The following TRPC3 variants were observed in gnomAD, a reference collection of about 807,000 sequenced individuals.
The protein encoded by TRPC3 is transient receptor potential cation channel subfamily C member 3.
In TRPC3, 54 loss-of-function variants were observed where a neutral mutation model predicts 90.9. The observed-to-expected ratio is 0.59, with a 90% CI of 0.48 to 0.75. The LOEUF (loss-of-function observed/expected upper bound fraction) is 0.75. Ranked by LOEUF, TRPC3 falls within the 30% of genes least tolerant of loss-of-function variation. The pLI is 0.00. For synonymous variants in TRPC3, 424 were observed against 450.9 expected, an observed-to-expected ratio of 0.94 and a Z score of 0.75; for missense variants, 918 against 1,194.5, an observed-to-expected ratio of 0.77 and a Z score of 3.41.
At chr4:121,933,976 G>A (rs906151799) in intron 1 of TRPC3, among the ~76,000 whole-genome samples, 2 of 152,176 alleles carry the variant, frequency 1.3e-5, no homozygotes, top group East Asian at 1.9e-4. Flanking sequence ...GAACTGAAAC[G>A]ACAAGGTTTG....
chr4:121,927,138 C>A (rs1047446457), intron 2 of TRPC3, among the ~76,000 whole-genome samples: 5 of 152,160 alleles, frequency 3.3e-5, no homozygotes, highest in African/African-American at 1.2e-4. Flanking sequence ...TCAAGGGTTA[C>A]AGAATTCAGT....
intron 4 of TRPC3, among the ~76,000 whole-genome samples, chr4:121,912,904 C>G (rs1030376039): frequency 5.3e-5 from 8 of 152,204 alleles, no homozygotes; most frequent in African/African-American, 1.9e-4. Context: ...CCCCCACAGT[C>G]CAAGAATTAG....
chr4:121,881,519 C>T (rs558155004), intron 11 of TRPC3, among the ~76,000 whole-genome samples: 2 of 152,208 alleles, frequency 1.3e-5, no homozygotes, highest in East Asian at 3.9e-4. Flanking sequence ...TGCTAGTTAT[C>T]GATTATAAAT....
chr4:121,904,553 A>G lies in TRPC3; in HGVS notation c.2058-36T>C. ...AATAAGATACAAAGTAAGTAAGTTAACAGTTTTCAATATCTAAGAGTGAAA... is the reference window on the plus strand; with the variant it reads ...AATAAGATACAAAGTAAGTAAGTTAGCAGTTTTCAATATCTAAGAGTGAAA... On this transcript the variant is annotated intron_variant, in intron 7 of 11. Coordinates refer to ENST00000379645, the MANE Select transcript of TRPC3 (RefSeq NM_001130698.2). 3 of 1,467,290 alleles carry G rather than the reference A, an allele frequency of 2.0e-6. No homozygotes were observed. The South Asian group carries it at 4.3e-5, about 21-fold the overall frequency. The allele number at this position is 1,467,290 out of a possible 1,614,324, so 90.9% of individuals were successfully genotyped here.
At chr4:121,942,959 T>A (rs1418081847) in intron 1 of TRPC3, among the ~76,000 whole-genome samples, 1 of 152,238 alleles carries the variant, frequency 6.6e-6, no homozygotes, top group Non-Finnish European at 1.5e-5. Context: ...GGAACTGTGT[T>A]CTGTGTATAA....
At chr4:121,950,046 G>C (rs988503736) in intron 1 of TRPC3, among the ~76,000 whole-genome samples, 1 of 152,222 alleles carries the variant, frequency 6.6e-6, no homozygotes, top group African/African-American at 2.4e-5. Flanking sequence ...AAACCTTAGG[G>C]AGACGGGGAA....
At chr4:121,903,973 A>C (rs1038749357) in intron 8 of TRPC3, among the ~76,000 whole-genome samples, 4 of 152,304 alleles carry the variant, frequency 2.6e-5, no homozygotes, top group Middle Eastern at 6.8e-3. Context: ...TGTTTGCCAA[A>C]CATCTGGTCA....
intron 10 of TRPC3, among the ~76,000 whole-genome samples, chr4:121,896,095 T>C (rs1021957127): frequency 6.6e-6 from 1 of 152,158 alleles, no homozygotes; most frequent in Non-Finnish European, 1.5e-5. Flanking sequence ...CAACAGATGA[T>C]AAAAGCTTTT....
intron 3 of TRPC3, among the ~76,000 whole-genome samples, chr4:121,918,941 A>C (rs1729411063): frequency 6.6e-6 from 1 of 152,228 alleles, no homozygotes; most frequent in Non-Finnish European, 1.5e-5. Context: ...TTACCTCCTG[A>C]AAAATCTCCT....
chr4:121,926,359 C>T (rs572089744), intron 2 of TRPC3, among the ~76,000 whole-genome samples: 62 of 152,106 alleles, frequency 4.1e-4, no homozygotes, highest in African/African-American at 1.4e-3. Context: ...ACTTGTATTT[C>T]CACTGCAATG....
In TRPC3 at chr4:121,911,894, A is replaced by G; in HGVS notation, c.1541T>C (p.Ile514Thr). 1.2e-6 allele frequency: 2 copies of G among 1,613,374 alleles called. No homozygotes were observed. Among genetic ancestry groups the G allele is most frequent in the Non-Finnish European group, 8.5e-7 (1 of 1,179,542 alleles). ...AGACTTACCAAGAACCCAGACCATAATTAGCATTTCAGTCCATGTAAACTG... is the reference window on the plus strand; with the variant it reads ...AGACTTACCAAGAACCCAGACCATAGTTAGCATTTCAGTCCATGTAAACTG... ...TTQFTWTEMLIMVWVLGMMWS... is the reference protein window; with the variant it reads ...TTQFTWTEMLTMVWVLGMMWS... Residue 514 changes from isoleucine to threonine, a missense_variant, in exon 5 of 12, where the codon ATT (isoleucine) becomes ACT (threonine). Around this residue, in one of 4 missense-constraint regions of TRPC3, gnomAD observed 609 missense variants for 725.9 expected, o/e 0.84. Coordinates refer to ENST00000379645, the MANE Select transcript of TRPC3 (RefSeq NM_001130698.2).
intron 2 of TRPC3, among the ~76,000 whole-genome samples, chr4:121,926,744 G>C (rs567631175): frequency 1.3e-5 from 2 of 152,236 alleles, no homozygotes; most frequent in South Asian, 4.1e-4. Context: ...CTGTTATTTA[G>C]GTTGACAGTG....
At position 121,951,539 on chromosome 4, in the gene TRPC3, C is replaced by T; in HGVS notation, c.142G>A (p.Glu48Lys). 1 of 1,417,204 alleles carries T rather than the reference C, an allele frequency of 7.1e-7. No individual in the cohort carries two copies. Among genetic ancestry groups the T allele is most frequent in the Non-Finnish European group, 9.2e-7 (1 of 1,083,402 alleles). The allele number at this position is 1,417,204 out of a possible 1,614,324, so 87.8% of individuals were successfully genotyped here. Reference sequence around the variant, plus strand: ...CGCTGCGAGGGCGCCGAGCGCGGCTCCAGCCCCCCGTTGACGCCCCTCCAG... The same window carrying T: ...CGCTGCGAGGGCGCCGAGCGCGGCTTCAGCCCCCCGTTGACGCCCCTCCAG... ...RGWRGVNGGLEPRSAPSQREP... is the reference protein window; with the variant it reads ...RGWRGVNGGLKPRSAPSQREP... Residue 48 changes from glutamate to lysine, a missense_variant, in exon 1 of 12, where the codon GAG becomes AAG. Glu to Lys is a moderately conservative substitution (Grantham distance 56). This residue lies in a region of TRPC3 where 609 missense variants were observed against 725.9 expected (regional missense o/e 0.84). Coordinates refer to ENST00000379645, the MANE Select transcript of TRPC3 (RefSeq NM_001130698.2). This position sits in a 1 kb window ranked among gnomAD's most constrained non-coding sequence, Gnocchi z 4.4.
intron 10 of TRPC3, among the ~76,000 whole-genome samples, chr4:121,897,791 C>T (rs1359743747): frequency 6.6e-6 from 1 of 152,066 alleles, no homozygotes; most frequent in Non-Finnish European, 1.5e-5. Flanking sequence ...ATCCAGCAAC[C>T]CCACTACGGG....
Position 121,896,570 on chromosome 4 carries a change from A to T in TRPC3, c.2547+3042T>A, listed in dbSNP as rs77890355. Among the ~76,000 whole-genome samples the T allele has an allele frequency of 1.4e-3, 206 of 152,184 alleles. 2 individuals carry two copies. Among genetic ancestry groups the T allele is most frequent in the African/African-American group, 4.0e-3 (165 of 41,574 alleles). On this transcript the variant is annotated intron_variant, in intron 10 of 11. Transcript: ENST00000379645. The stretch of plus-strand genomic sequence containing the variant: ...AAAGGCAATGCCATTTACAATACTC[A>T]GGTATAAATTAACCAAGGAGATGAA...
At chr4:121,893,325 G>A (rs1227860845) in intron 10 of TRPC3, among the ~76,000 whole-genome samples, 2 of 152,074 alleles carry the variant, frequency 1.3e-5, no homozygotes, top group Non-Finnish European at 1.5e-5. Flanking sequence ...AGCATGAATA[G>A]ATCAGTGGAA....
chr4:121,932,708 T>C lies in TRPC3; in HGVS notation c.550A>G (p.Ser184Gly). ...TCTACGATGCGCACGTAGCCCTTGCTGATGGCGAGCAGCAGGGCGTCGCCA... is the reference window on the plus strand; with the variant it reads ...TCTACGATGCGCACGTAGCCCTTGCCGATGGCGAGCAGCAGGGCGTCGCCA... Reference protein sequence around the residue: ...RIGDALLLAISKGYVRIVEAI... With the variant: ...RIGDALLLAIGKGYVRIVEAI... Residue 184 changes from serine to glycine, a missense_variant, in exon 2 of 12, where the codon AGC (serine) becomes GGC (glycine). Physicochemically the swap from Ser to Gly is moderately conservative, Grantham distance 56. Transcript: ENST00000379645. This position sits in a 1 kb window ranked among gnomAD's most constrained non-coding sequence, Gnocchi z 7.7. 6.2e-7 allele frequency: 1 copy of C among 1,613,856 alleles called. No individual in the cohort carries two copies. Among genetic ancestry groups the C allele is most frequent in the South Asian group, 1.1e-5 (1 of 91,074 alleles).
intron 6 of TRPC3, 80 bp from the exon 7 acceptor site, chr4:121,907,647 A>AT (rs1252086573): frequency 6.9e-7 from 1 of 1,455,442 alleles, no homozygotes; most frequent in Non-Finnish European, 9.3e-7. Context: ...CTTAAATAGG[A>AT]TCTATCTTGT....
At chr4:121,914,758 A>T (rs755491162) in intron 4 of TRPC3, 22 bp downstream of exon 4, 1 of 1,582,736 alleles carries the variant, frequency 6.3e-7, no homozygotes, top group East Asian at 2.3e-5. Flanking sequence ...CCACAGAGGA[A>T]ATAGATGTAG....
Sources: allele counts gnomAD v4.1 joint callset (sites outside exome capture counted in the v4.1 genomes callset), GRCh38; gene constraint gnomAD v4.1.1; regional missense constraint gnomAD v4.1.1; non-coding constraint Gnocchi (gnomAD v3.1); transcripts MANE v1.5; gene names NCBI Gene and HGNC (gene_info 2026-07-23, HGNC 2026-07-21).